ARMH3: variants seen among roughly 807,000 people sequenced by gnomAD.
ARMH3 encodes the protein armadillo-like helical domain-containing protein 3.
A neutral mutation model predicts 99.1 loss-of-function variants in ARMH3; 60 were observed. The observed-to-expected ratio is 0.61, with a 90% confidence interval of 0.49 to 0.75. ARMH3 has a LOEUF of 0.75. ARMH3 is among the 30% of genes least tolerant of loss of function. ARMH3 has a pLI of 0.00. For missense variants in ARMH3, 679 were observed against 843.1 expected (o/e 0.81, Z 2.41); for synonymous variants, 285 against 292.8 (o/e 0.97, Z 0.27).
chr10:101,847,522 G>A lies in ARMH3; in HGVS notation c.*6C>T, dbSNP rs772693822. On this transcript the variant is annotated 3_prime_UTR_variant, in exon 26 of 26. Coordinates refer to ENST00000370033, the MANE Select transcript of ARMH3 (RefSeq NM_024541.3). ...GCAGTCAGAGGCTGCTCAGGTAGGCGTGGCCTCAGGAGATAGTGGAGAACT... is the reference window on the plus strand; with the variant it reads ...GCAGTCAGAGGCTGCTCAGGTAGGCATGGCCTCAGGAGATAGTGGAGAACT... 4.2e-5 allele frequency: 68 copies of A among 1,613,296 alleles called. 1 individual carries two copies. Among genetic ancestry groups the A allele is most frequent in the South Asian group, 4.1e-4 (37 of 91,078 alleles).
chr10:102,030,446 A>G (rs1205669046), intron 4 of ARMH3, among the ~76,000 whole-genome samples: 7 of 152,170 alleles, frequency 4.6e-5, no homozygotes, highest in Non-Finnish European at 1.0e-4. Flanking sequence ...CAGTGGCTCA[A>G]GCCTGTAATC....
At chr10:101,992,989 G>A (rs1846871198) in intron 17 of ARMH3, among the ~76,000 whole-genome samples, 1 of 151,924 alleles carries the variant, frequency 6.6e-6, no homozygotes, top group Non-Finnish European at 1.5e-5. Context: ...TCCAGTATCA[G>A]GCCAGGCGCG....
intron 18 of ARMH3, among the ~76,000 whole-genome samples, chr10:101,991,482 G>C (rs1029170002): frequency 1.3e-5 from 2 of 152,076 alleles, no homozygotes; most frequent in Admixed American, 6.5e-5. Flanking sequence ...CTGGGTTCAA[G>C]CGATTCTCCT....
chr10:101,940,611 C>T (rs887012705), intron 22 of ARMH3, among the ~76,000 whole-genome samples: 1 of 152,130 alleles, frequency 6.6e-6, no homozygotes, highest in African/African-American at 2.4e-5. Context: ...ATCCCTCCAC[C>T]CCACAACAGG....
chr10:101,955,424 A>C lies in ARMH3; in HGVS notation c.1705+1173T>G, dbSNP rs966222226. On this transcript the variant is annotated intron_variant, in intron 22 of 25. Coordinates refer to ENST00000370033, the MANE Select transcript of ARMH3 (RefSeq NM_024541.3). ...TTGCCATTGAAAACATCCTACTAAT[A>C]CAAGGCCCTACTTGCACTGCCTAAG... Among the ~76,000 whole-genome samples, 23 of 152,328 alleles carry C rather than the reference A, an allele frequency of 1.5e-4. 1 individual carries two copies. The highest frequency in any genetic ancestry group is 1.0e-3 in the South Asian group (5 of 4,826).
chr10:101,923,777 G>A (rs1011890642), intron 23 of ARMH3, among the ~76,000 whole-genome samples: 1 of 152,144 alleles, frequency 6.6e-6, no homozygotes, highest in Non-Finnish European at 1.5e-5. Context: ...GGGAGAGTAG[G>A]AGGCTACAGG....
At chr10:102,048,538 T>G (rs1027783220) in intron 1 of ARMH3, among the ~76,000 whole-genome samples, 1 of 152,194 alleles carries the variant, frequency 6.6e-6, no homozygotes, top group Non-Finnish European at 1.5e-5. Context: ...GCAATTCTCC[T>G]GCCTCAGCCT....
chr10:102,009,832 T>G, intron 12 of ARMH3, 145 bp downstream of exon 12: 1 of 835,792 alleles, frequency 1.2e-6, no homozygotes, highest in Non-Finnish European at 1.9e-6. Flanking sequence ...TCCATTAATG[T>G]TCAAAACCCA....
intron 24 of ARMH3, among the ~76,000 whole-genome samples, chr10:101,886,126 G>A (rs1222696236): frequency 1.3e-5 from 2 of 150,332 alleles, no homozygotes; most frequent in East Asian, 1.9e-4. Context: ...AAAAAAAAAA[G>A]AGGTAAAAAT....
chr10:101,980,148 T>C (rs757810549), intron 19 of ARMH3, among the ~76,000 whole-genome samples: 3 of 152,216 alleles, frequency 2.0e-5, no homozygotes, highest in Non-Finnish European at 4.4e-5. Flanking sequence ...TTTTCATTCA[T>C]TCATTCAACA....
intron 23 of ARMH3, among the ~76,000 whole-genome samples, chr10:101,893,862 G>C (rs1017887285): frequency 2.6e-5 from 4 of 152,124 alleles, no homozygotes; most frequent in Non-Finnish European, 5.9e-5. Context: ...GGCTCTATGG[G>C]TGACCTGTTC....
intron 20 of ARMH3, among the ~76,000 whole-genome samples, chr10:101,959,670 G>A (rs1845191618): frequency 6.6e-6 from 1 of 152,192 alleles, no homozygotes; most frequent in Non-Finnish European, 1.5e-5. Context: ...ATGACAAAGT[G>A]AGAAATATTA....
chr10:102,031,142 A>G (rs2067122507), intron 4 of ARMH3, among the ~76,000 whole-genome samples: 1 of 152,190 alleles, frequency 6.6e-6, no homozygotes, highest in South Asian at 2.1e-4. Context: ...TATAATAGCC[A>G]ACTGCTTCAA....
intron 20 of ARMH3, among the ~76,000 whole-genome samples, chr10:101,963,946 G>A (rs1313237059): frequency 1.4e-5 from 2 of 144,700 alleles, no homozygotes; most frequent in Admixed American, 7.0e-5. Context: ...GTGTGATCTC[G>A]GCTCACTGCA....
intron 24 of ARMH3, among the ~76,000 whole-genome samples, chr10:101,872,821 G>A (rs970886572): frequency 6.6e-6 from 1 of 151,670 alleles, no homozygotes. Context: ...AGCCAGGTGG[G>A]GTGGTAGGCG....
At chr10:102,051,113 C>T (rs1228781319) in intron 1 of ARMH3, among the ~76,000 whole-genome samples, 2 of 147,966 alleles carry the variant, frequency 1.4e-5, no homozygotes, top group Non-Finnish European at 3.0e-5. Context: ...AAGATTGTGC[C>T]ACTTGTACTC....
intron 15 of ARMH3, among the ~76,000 whole-genome samples, chr10:101,996,242 T>C (rs999220603): frequency 2.0e-5 from 3 of 152,204 alleles, no homozygotes; most frequent in Non-Finnish European, 4.4e-5. Context: ...ATTTTCAAAT[T>C]AGCTTCAACA....
chr10:102,031,477 T>C (rs1230892567), intron 4 of ARMH3, among the ~76,000 whole-genome samples: 1 of 152,228 alleles, frequency 6.6e-6, no homozygotes, highest in Non-Finnish European at 1.5e-5. Context: ...AGCACTGCAA[T>C]TACTGGAAGT....
intron 8 of ARMH3, among the ~76,000 whole-genome samples, chr10:102,021,066 G>A (rs1422426736): frequency 6.6e-6 from 1 of 151,820 alleles, no homozygotes; most frequent in Non-Finnish European, 1.5e-5. Context: ...CCTTTTCTAG[G>A]TTTAGGTTTT....
Sources: allele counts gnomAD v4.1 joint callset (sites outside exome capture counted in the v4.1 genomes callset), GRCh38; gene constraint gnomAD v4.1.1; transcripts MANE v1.5; gene names NCBI Gene and HGNC (gene_info 2026-07-23, HGNC 2026-07-21).